The following VWDE variants were observed in gnomAD, a reference collection of about 807,000 sequenced individuals.
The protein encoded by VWDE is von Willebrand factor D and EGF domain-containing protein.
VWDE carries 207 observed loss-of-function variants against 178.4 expected under a neutral mutation model. That is an observed-to-expected ratio of 1.16 (90% CI 1.04 to 1.30). The LOEUF (loss-of-function observed/expected upper bound fraction) is 1.30. Ranked by LOEUF, VWDE falls within the 50% of genes most tolerant of loss-of-function variation. VWDE has a pLI of 0.00. For synonymous variants in VWDE, 738 were observed against 651.4 expected, an observed-to-expected ratio of 1.13 and a Z score of -2.02; for missense variants, 2,287 against 1,901.3, an observed-to-expected ratio of 1.20 and a Z score of -3.77.
At chr7:12,386,132 A>T (rs1260151767) in intron 3 of VWDE, among the ~76,000 whole-genome samples, 2 of 152,264 alleles carry the variant, frequency 1.3e-5, no homozygotes, top group South Asian at 2.1e-4. Flanking sequence ...GGGTTTTTCC[A>T]TGAAACACAG....
At chr7:12,378,137 C>T (rs1231354587) in intron 6 of VWDE, among the ~76,000 whole-genome samples, 5 of 152,178 alleles carry the variant, frequency 3.3e-5, no homozygotes, top group African/African-American at 1.2e-4. Flanking sequence ...CTGAGTTTGA[C>T]TCACTTTGGT....
chr7:12,388,647 G>T (rs1318437123), intron 3 of VWDE, among the ~76,000 whole-genome samples: 2 of 152,102 alleles, frequency 1.3e-5, no homozygotes, highest in Non-Finnish European at 1.5e-5. Flanking sequence ...CATTCCACTA[G>T]AATGTAAGTT....
At chr7:12,363,431 A>T (rs548933529) in intron 13 of VWDE, among the ~76,000 whole-genome samples, 4 of 152,106 alleles carry the variant, frequency 2.6e-5, no homozygotes, top group Non-Finnish European at 5.9e-5. Context: ...AATCCTATAA[A>T]TCAGCAACCT....
chr7:12,339,109 G>T (rs939305647), intron 24 of VWDE, among the ~76,000 whole-genome samples: 3 of 152,082 alleles, frequency 2.0e-5, no homozygotes, highest in Admixed American at 6.6e-5. Flanking sequence ...CAGCAAGAAA[G>T]CTGTGGAGGC....
chr7:12,377,825 C>T lies in VWDE; in HGVS notation c.975G>A (p.Glu325=), dbSNP rs1268597962. ...TVPIICSEFS[E]LDQECKISLK... ...ATGAGATTTTGCATTCTTGATCAAG[C>T]TCACTAAATTCAGAACAAATAATAG... Residue 325 remains glutamate (E), a synonymous_variant, in exon 7 of 29, where the codon GAG becomes GAA. Transcript: ENST00000275358. 6.5e-7 allele frequency: 1 copy of T among 1,530,388 alleles called. No individual in the cohort carries two copies. Among genetic ancestry groups the T allele is most frequent in the Middle Eastern group, 1.7e-4 (1 of 5,922 alleles). The allele number at this position is 1,530,388 out of a possible 1,614,324, so 94.8% of individuals were successfully genotyped here. A position where few individuals can be genotyped will look rare whatever the true frequency, so the allele number is the denominator to read the frequency against.
Position 12,357,272 on chromosome 7 carries a change from G to C in VWDE, c.3518C>G (p.Thr1173Arg), listed in dbSNP as rs755103046. Residue 1173 changes from threonine to arginine, a missense_variant, in exon 17 of 29, where the codon ACG (threonine) becomes AGG (arginine). Transcript: ENST00000275358. ...NDDCDAETRV[T>R]IEVTVKSCDC... ...TGTAATTATAAAGATTACCTCAATC[G>C]TGACTCTAGTTTCAGCATCGCAGTC... 2 of 1,551,816 alleles carry C rather than the reference G, an allele frequency of 1.3e-6. No individual in the cohort carries two copies. The highest frequency in any genetic ancestry group is 1.7e-6 in the Non-Finnish European group (2 of 1,146,900).
At position 12,377,493 on chromosome 7, in the gene VWDE, G is replaced by GA. The variant is rs200275401; in HGVS notation, c.1024+282dup. On this transcript the variant is annotated intron_variant, in intron 7 of 28. Coordinates refer to ENST00000275358, the MANE Select transcript of VWDE (RefSeq NM_001135924.3). ...ACAGGAGAATGAGAAAAAAATAGGA[G>GA]AAAAAAAGAGGAGCGAGAGGAAAAA... 205 of 208,886 alleles carry GA rather than the reference G, an allele frequency of 9.8e-4. 1 individual carries two copies. The highest frequency in any genetic ancestry group is 1.5e-3 in the Middle Eastern group (1 of 646). The allele number at this position is 208,886 out of a possible 1,614,324, so 12.9% of individuals were successfully genotyped here.
At chr7:12,402,378 C>T (rs1056159363) in intron 1 of VWDE, among the ~76,000 whole-genome samples, 7 of 152,146 alleles carry the variant, frequency 4.6e-5, no homozygotes, top group Non-Finnish European at 8.8e-5. Flanking sequence ...TCAATAAATG[C>T]ATTTTCCATT....
chr7:12,351,474 C>G, intron 19 of VWDE, 99 bp downstream of exon 19: 1 of 1,316,598 alleles, frequency 7.6e-7, no homozygotes, highest in East Asian at 2.6e-5. Flanking sequence ...GGTGATCTTT[C>G]TAAAAATAAA....
At chr7:12,391,706 T>C (rs1021581628) in intron 2 of VWDE, among the ~76,000 whole-genome samples, 1 of 152,188 alleles carries the variant, frequency 6.6e-6, no homozygotes, top group South Asian at 2.1e-4. Flanking sequence ...CACATTAAAA[T>C]TAAACACTGT....
intron 1 of VWDE, among the ~76,000 whole-genome samples, chr7:12,400,054 A>G (rs73054745): frequency 0.18 from 27,364 of 152,170 alleles, 2,939 homozygotes; most frequent in Admixed American, 0.31. Context: ...AGCAAAATGT[A>G]TGGAAGGCTG....
At chr7:12,374,469 G>T (rs561746607) in intron 9 of VWDE, among the ~76,000 whole-genome samples, 1 of 151,932 alleles carries the variant, frequency 6.6e-6, no homozygotes, top group Non-Finnish European at 1.5e-5. Context: ...ATTTTTACAA[G>T]TTCAGCCTTG....
At chr7:12,402,952 C>T (rs847991) in intron 1 of VWDE, among the ~76,000 whole-genome samples, 1 of 151,836 alleles carries the variant, frequency 6.6e-6, no homozygotes, top group East Asian at 1.9e-4. Flanking sequence ...AATATAAGAA[C>T]AAGTCACCTT....
chr7:12,399,890 C>T (rs754911803), intron 1 of VWDE, among the ~76,000 whole-genome samples: 12 of 151,702 alleles, frequency 7.9e-5, no homozygotes, highest in Non-Finnish European at 1.6e-4. Flanking sequence ...TCTGTGATTA[C>T]AATGGAATGA....
chr7:12,369,407 T>C, intron 12 of VWDE, 138 bp downstream of exon 12: 2 of 1,133,510 alleles, frequency 1.8e-6, no homozygotes, highest in Non-Finnish European at 2.4e-6. Flanking sequence ...TAGTAATGTG[T>C]TCATTAATAT....
intron 17 of VWDE, 57 bp from the exon 18 acceptor site, chr7:12,356,387 A>T: frequency 7.0e-7 from 1 of 1,419,532 alleles, no homozygotes; most frequent in South Asian, 1.3e-5. Context: ...TCTTCAGTTT[A>T]TGCCCCAGAA....
chr7:12,392,237 T>C (rs1784420144), intron 2 of VWDE, among the ~76,000 whole-genome samples: 1 of 152,214 alleles, frequency 6.6e-6, no homozygotes, highest in Non-Finnish European at 1.5e-5. Context: ...ACTAGTGAGT[T>C]TACATATGCA....
rs1785020503 is a variant in VWDE at position 12,403,641 on chromosome 7, G to A, written c.58+18C>T. 1 of 1,535,434 alleles carries A rather than the reference G, an allele frequency of 6.5e-7. No individual in the cohort carries two copies. The highest frequency in any genetic ancestry group is 8.8e-7 in the Non-Finnish European group (1 of 1,142,762). On this transcript the variant is annotated intron_variant, in intron 1 of 28. Transcript: ENST00000275358. ...GGCGCCACTGCGCGCCCACCCCCGC[G>A]CGCCCTACCTCGCTTACCTTCCCCC...
At chr7:12,380,827 A>G in intron 4 of VWDE, 94 bp from the exon 5 acceptor site, 1 of 1,389,952 alleles carries the variant, frequency 7.2e-7, no homozygotes, top group Non-Finnish European at 9.6e-7. Context: ...TCTGTGGTTT[A>G]TCTTAAGAAA....
Sources: gnomAD v4.1 joint callset for allele counts (sites outside exome capture counted in the v4.1 genomes callset) on GRCh38, gnomAD v4.1.1 for gene constraint, MANE v1.5 for transcripts, NCBI Gene and HGNC (gene_info 2026-07-23, HGNC 2026-07-21) for gene names.